Variants in YWHAE observed in about 807,000 individuals in gnomAD.
YWHAE encodes the protein 14-3-3 protein epsilon.
A neutral mutation model predicts 30.1 loss-of-function variants in YWHAE; 4 were observed. The observed-to-expected ratio is 0.13, with a 90% confidence interval of 0.07 to 0.30. The LOEUF is 0.30. Ranked by LOEUF, YWHAE falls within the 10% of genes least tolerant of loss-of-function variation. The pLI is 1.00. For missense variants in YWHAE, 121 were observed against 315.9 expected (o/e 0.38, Z 4.68); for synonymous variants, 118 against 111.8 (o/e 1.06, Z -0.35).
chr17:1,365,197 A>G (rs1327655663), intron 1 of YWHAE, 139 bp from the exon 2 acceptor site: 14 of 1,017,826 alleles, frequency 1.4e-5, no homozygotes, highest in Non-Finnish European at 2.0e-5. Context: ...CAAAACTAAT[A>G]TGAGTAAAAA....
chr17:1,394,818 T>A (rs559862386), intron 1 of YWHAE, among the ~76,000 whole-genome samples: 17 of 148,370 alleles, frequency 1.1e-4, no homozygotes, highest in African/African-American at 3.7e-4. Context: ...AATACAAAAA[T>A]TAGCCAGGTG....
At chr17:1,359,912 AGACGGG>A (rs1200019461) in intron 4 of YWHAE, among the ~76,000 whole-genome samples, 1,180 of 38,628 alleles carry the variant, frequency 0.031, 21 homozygotes, top group South Asian at 0.049. Context: ...AGAGAGAGGG[AGACGGG>A]GAGGGGGAGG....
intron 4 of YWHAE, among the ~76,000 whole-genome samples, chr17:1,355,148 ATTT>A (rs1271496520): frequency 1.0e-3 from 78 of 76,804 alleles, no homozygotes; most frequent in African/African-American, 3.1e-3. Context: ...AAAAAAAAAA[ATTT>A]TTTTTTTTTT....
At chr17:1,389,551 G>A (rs2073358081) in intron 1 of YWHAE, among the ~76,000 whole-genome samples, 1 of 144,780 alleles carries the variant, frequency 6.9e-6, no homozygotes, top group Non-Finnish European at 1.5e-5. Flanking sequence ...TTTTTTTTGA[G>A]ATGGAGTCTC....
At chr17:1,374,800 AGTT>A (rs2073099327) in intron 1 of YWHAE, among the ~76,000 whole-genome samples, 1 of 152,046 alleles carries the variant, frequency 6.6e-6, no homozygotes, top group South Asian at 2.1e-4. Flanking sequence ...GGTATGTAGG[AGTT>A]GTTCATTTTT....
chr17:1,394,449 A>C (rs1049570623), intron 1 of YWHAE, among the ~76,000 whole-genome samples: 4 of 149,090 alleles, frequency 2.7e-5, no homozygotes, highest in Non-Finnish European at 5.9e-5. Context: ...AAAAAAAAAA[A>C]AAAAAAAAAA....
chr17:1,379,558 T>C (rs916401529), intron 1 of YWHAE, among the ~76,000 whole-genome samples: 5 of 152,196 alleles, frequency 3.3e-5, no homozygotes, highest in African/African-American at 1.2e-4. Flanking sequence ...CTAATTCTAA[T>C]AGTAAATAAC....
intron 1 of YWHAE, among the ~76,000 whole-genome samples, chr17:1,372,854 G>A (rs1049374437): frequency 2.0e-5 from 3 of 152,094 alleles, no homozygotes; most frequent in Non-Finnish European, 2.9e-5. Flanking sequence ...TCAGGAGGCC[G>A]AGGCAGGAGG....
In YWHAE at chr17:1,400,081, C is replaced by T. The variant is rs2073545015; in HGVS notation, c.30G>A (p.Gln10=). The stretch of plus-strand genomic sequence containing the variant: ...GCTCAGCCTGCTCGGCCAGCTTCGC[C>T]TGGTACACCAGATCCTCTCGATCAT... MDDREDLVY[Q]AKLAEQAERY... Residue 10 remains glutamine, a synonymous_variant, in exon 1 of 6, where the codon CAG becomes CAA. Coordinates refer to ENST00000264335, the MANE Select transcript of YWHAE (RefSeq NM_006761.5). 3 of 1,614,122 alleles carry T rather than the reference C, an allele frequency of 1.9e-6. No individual in the cohort carries two copies. Among genetic ancestry groups the T allele is most frequent in the Middle Eastern group, 1.6e-4 (1 of 6,062 alleles).
At chr17:1,388,135 T>G (rs944255735) in intron 1 of YWHAE, among the ~76,000 whole-genome samples, 4 of 119,226 alleles carry the variant, frequency 3.4e-5, no homozygotes, top group East Asian at 2.3e-4. Context: ...TTTTTTTTTT[T>G]TTTTTTTAGT....
At chr17:1,388,019 G>A (rs1397703821) in intron 1 of YWHAE, among the ~76,000 whole-genome samples, 1 of 142,226 alleles carries the variant, frequency 7.0e-6, no homozygotes, top group African/African-American at 2.7e-5. Context: ...TTTGCCTCCC[G>A]GGTTCAAGTG....
At chr17:1,351,692 C>T (rs1280061790) in intron 5 of YWHAE, among the ~76,000 whole-genome samples, 2 of 152,072 alleles carry the variant, frequency 1.3e-5, no homozygotes, top group Non-Finnish European at 2.9e-5. Context: ...AATACAGTGG[C>T]GCAATCGAAG....
intron 1 of YWHAE, among the ~76,000 whole-genome samples, chr17:1,384,121 T>C (rs939562854): frequency 6.6e-6 from 1 of 152,084 alleles, no homozygotes; most frequent in Non-Finnish European, 1.5e-5. Context: ...AGAGAACTGC[T>C]TGAACCCAGG....
chr17:1,350,889 C>T (rs2072620247), intron 5 of YWHAE, among the ~76,000 whole-genome samples: 1 of 150,660 alleles, frequency 6.6e-6, no homozygotes, highest in South Asian at 2.1e-4. Context: ...GAAACCCTGC[C>T]TCTACTAAAC....
chr17:1,369,803 GAA>G (rs2073003116), intron 1 of YWHAE: 2 of 152,284 alleles, frequency 1.3e-5, no homozygotes, highest in African/African-American at 4.8e-5. Flanking sequence ...CCAGTGCATA[GAA>G]AAGTTATGTT....
intron 1 of YWHAE, among the ~76,000 whole-genome samples, chr17:1,371,822 T>C (rs1389702564): frequency 2.0e-5 from 3 of 151,280 alleles, no homozygotes; most frequent in African/African-American, 4.9e-5. Context: ...CATCAGCACA[T>C]GCTACTTGAC....
At chr17:1,369,633 C>T (rs2072999426) in intron 1 of YWHAE, 1 of 152,172 alleles carries the variant, frequency 6.6e-6, no homozygotes, top group South Asian at 2.1e-4. Context: ...TACCCGAACC[C>T]CAGCCCGGTC....
intron 1 of YWHAE, among the ~76,000 whole-genome samples, chr17:1,398,338 C>CCCA (rs1555648148): frequency 1.1e-5 from 1 of 93,912 alleles, no homozygotes; most frequent in Non-Finnish European, 1.9e-5. Context: ...ATCTTATCCC[C>CCCA]CCCCCCAACA....
intron 1 of YWHAE, among the ~76,000 whole-genome samples, chr17:1,380,356 C>T (rs1271276490): frequency 6.6e-6 from 1 of 152,140 alleles, no homozygotes; most frequent in Non-Finnish European, 1.5e-5. Flanking sequence ...AGGTGATCTG[C>T]CTGCCTCAGC....
Sources: gnomAD v4.1 joint callset for allele counts (sites outside exome capture counted in the v4.1 genomes callset) on GRCh38, gnomAD v4.1.1 for gene constraint, MANE v1.5 for transcripts, NCBI Gene and HGNC (gene_info 2026-07-23, HGNC 2026-07-21) for gene names.